The following CACNG6 variants were observed in gnomAD, a reference collection of about 807,000 sequenced individuals.
The protein encoded by CACNG6 is voltage-dependent calcium channel gamma-6 subunit.
Under a neutral mutation model 23.9 loss-of-function variants are expected in CACNG6, and 21 were observed. That is an observed-to-expected ratio of 0.88 (90% confidence interval 0.62 to 1.26). CACNG6 has a LOEUF of 1.26. Among genes scored for constraint, CACNG6 ranks in the 50% most tolerant of loss-of-function variants. CACNG6 has a pLI of 0.00. For missense variants in CACNG6, 340 were observed against 352.9 expected, an observed-to-expected ratio of 0.96 and a Z score of 0.29; for synonymous variants, 182 against 168.9, an observed-to-expected ratio of 1.08 and a Z score of -0.60.
chr19:54,005,703 A>C (rs1187251638), intron 3 of CACNG6, among the ~76,000 whole-genome samples: 1 of 151,450 alleles, frequency 6.6e-6, no homozygotes, highest in African/African-American at 2.4e-5. Flanking sequence ...CAGTGAGCCA[A>C]GATCGCGCCA....
At chr19:54,004,173 T>A (rs1208035144) in intron 3 of CACNG6, among the ~76,000 whole-genome samples, 1 of 152,018 alleles carries the variant, frequency 6.6e-6, no homozygotes, top group Non-Finnish European at 1.5e-5. Flanking sequence ...TACTTTTTTT[T>A]TTTTGAGACG....
intron 1 of CACNG6, among the ~76,000 whole-genome samples, chr19:53,993,852 G>A (rs112974556): frequency 0.014 from 2,054 of 150,926 alleles, 18 homozygotes; most frequent in Non-Finnish European, 0.021. Context: ...CCCCCACACA[G>A]CCAATGTTCC....
chr19:53,991,282 G>C (rs7250797), upstream of CACNG6, among the ~76,000 whole-genome samples: 118,502 of 151,214 alleles, frequency 0.78, 47,148 homozygotes, highest in African/African-American at 0.93. Flanking sequence ...CTGGCCTCAG[G>C]CCCTCCTCCC....
At chr19:54,011,555 C>G (rs1194700329) in intron 3 of CACNG6, among the ~76,000 whole-genome samples, 1 of 151,918 alleles carries the variant, frequency 6.6e-6, no homozygotes, top group African/African-American at 2.4e-5. Context: ...CTATATCCGC[C>G]TTTTAATCAT....
intron 3 of CACNG6, among the ~76,000 whole-genome samples, chr19:54,003,980 C>T (rs533104848): frequency 3.4e-4 from 52 of 152,210 alleles, no homozygotes; most frequent in Non-Finnish European, 4.6e-4. Flanking sequence ...ACCTCATCCT[C>T]GAGTAGCTGG....
At chr19:53,996,399 C>CT (rs36057809) in intron 1 of CACNG6, among the ~76,000 whole-genome samples, 42,985 of 146,516 alleles carry the variant, frequency 0.29, 7,180 homozygotes, top group Middle Eastern at 0.44. Flanking sequence ...CTCTCTCTCT[C>CT]TTTTTTTTTT....
chr19:53,999,501 G>A (rs950153298), intron 2 of CACNG6, 133 bp from the exon 3 acceptor site: 4 of 993,638 alleles, frequency 4.0e-6, no homozygotes, highest in Non-Finnish European at 6.0e-6. Context: ...ATGTTGGGCT[G>A]GATGATACTC....
At chr19:54,007,467 A>G (rs2145966316) in intron 3 of CACNG6, among the ~76,000 whole-genome samples, 1 of 152,336 alleles carries the variant, frequency 6.6e-6, no homozygotes, top group African/African-American at 2.4e-5. Context: ...CAGTGCATTT[A>G]ACTGATAATT....
Position 54,010,747 on chromosome 19 carries a change from T to A in CACNG6, c.545-1204T>A, listed in dbSNP as rs78760635. Among the ~76,000 whole-genome samples, 867 of 151,876 alleles carry A rather than the reference T, an allele frequency of 5.7e-3. 10 individuals carry two copies. The highest frequency in any genetic ancestry group is 0.025 in the East Asian group (128 of 5,086). ...GCACCACCACACCTGGCTAATTTTT[T>A]AAAATTTTTTTTTTGTAGAGATGGA... is the stretch of plus-strand genomic sequence containing the variant. On this transcript the variant is annotated intron_variant, in intron 3 of 3. Coordinates refer to ENST00000252729, the MANE Select transcript of CACNG6 (RefSeq NM_145814.2).
At chr19:53,997,871 G>T (rs2069535888) in intron 1 of CACNG6, among the ~76,000 whole-genome samples, 1 of 151,990 alleles carries the variant, frequency 6.6e-6, no homozygotes, top group Non-Finnish European at 1.5e-5. Context: ...TTGTATCTTG[G>T]TATCCTTTGT....
intron 3 of CACNG6, among the ~76,000 whole-genome samples, chr19:54,003,896 C>T (rs1211068828): frequency 3.3e-5 from 5 of 152,086 alleles, no homozygotes; most frequent in African/African-American, 4.8e-5. Context: ...CTGGCTCTGT[C>T]GCCCAGGCTG....
chr19:53,995,531 A>G (rs1264937616), intron 1 of CACNG6, among the ~76,000 whole-genome samples: 1 of 152,136 alleles, frequency 6.6e-6, no homozygotes, highest in African/African-American at 2.4e-5. Context: ...TTAGTAGCCA[A>G]AAGAGGATGC....
Position 53,993,130 on chromosome 19 carries a change from AAGGCGTGCACCAAGCGGCTGTGGC to A in CACNG6, c.259_282del (p.Cys87_Ala94del). ...CGAAGCGGCCCACCTGGGGCTGTGG[AAGGCGTGCACCAAGCGGCTGTGGC>A]AGGCGGACGTGCCCGTGGACAGGGA... On this transcript the variant is annotated inframe_deletion, in exon 1 of 4. Coordinates refer to ENST00000252729, the MANE Select transcript of CACNG6 (RefSeq NM_145814.2). 1.9e-6 allele frequency: 3 copies of A among 1,548,036 alleles called. No individual in the cohort carries two copies. Among genetic ancestry groups the A allele is most frequent in the Non-Finnish European group, 1.7e-6 (2 of 1,145,982 alleles).
At position 54,006,915 on chromosome 19, in the gene CACNG6, CT is replaced by C. The variant is rs373898484; in HGVS notation, c.545-5034del. 6.2e-4 allele frequency among the ~76,000 whole-genome samples: 93 copies of C among 150,606 alleles called. 2 individuals are homozygous for C. In the East Asian group the frequency reaches 0.014, roughly 23 times the overall value. ...GTCTCACTCTGTTGCCCAGGCTGAT[CT>C]TGAATTCCTGGCCTCAAGAGATCCT... On this transcript the variant is annotated intron_variant, in intron 3 of 3. Transcript: ENST00000252729.
chr19:53,991,243 GCTT>G (rs1374091520), upstream of CACNG6, among the ~76,000 whole-genome samples: 4 of 149,960 alleles, frequency 2.7e-5, no homozygotes, highest in African/African-American at 7.4e-5. Flanking sequence ...GGGTACCGAG[GCTT>G]CTTCTCCCTT....
chr19:54,010,396 C>A (rs571132340), intron 3 of CACNG6, among the ~76,000 whole-genome samples: 2 of 152,144 alleles, frequency 1.3e-5, no homozygotes, highest in Admixed American at 1.3e-4. Context: ...GTGATCCAAT[C>A]GCTTCAGTCT....
At chr19:53,996,863 A>ATTTTTTTT (rs35192974) in intron 1 of CACNG6, among the ~76,000 whole-genome samples, 20 of 98,566 alleles carry the variant, frequency 2.0e-4, no homozygotes, top group African/African-American at 3.1e-4. Flanking sequence ...GATCTTTGGG[A>ATTTTTTTT]TTTTTTTTTT....
chr19:53,997,606 CTAAT>C (rs1292042899), intron 1 of CACNG6, among the ~76,000 whole-genome samples: 1 of 152,116 alleles, frequency 6.6e-6, no homozygotes, highest in Non-Finnish European at 1.5e-5. Context: ...GTTGGCCAAT[CTAAT>C]TGATGGGAAG....
At position 53,992,854 on chromosome 19, in the gene CACNG6, C is replaced by G. The variant is rs1461629420; in HGVS notation, c.-24C>G. ...CCTTCGCCGGCTCTGCCTCCTCCCCCTTCCCGACCCCACCGGCCATAAGAT... is the reference window on the plus strand; with the variant it reads ...CCTTCGCCGGCTCTGCCTCCTCCCCGTTCCCGACCCCACCGGCCATAAGAT... On this transcript the variant is annotated 5_prime_UTR_variant, in exon 1 of 4. Coordinates refer to ENST00000252729, the MANE Select transcript of CACNG6 (RefSeq NM_145814.2). This position sits in a 1 kb window ranked among gnomAD's most constrained non-coding sequence, Gnocchi z 4.1. 7.3e-7 allele frequency: 1 copy of G among 1,368,392 alleles called. No individual in the cohort carries two copies. The highest frequency in any genetic ancestry group is 9.5e-7 in the Non-Finnish European group (1 of 1,056,788). 84.8% of individuals were successfully genotyped at this position (1,368,392 alleles called of 1,614,324 possible).
Sources: gnomAD v4.1 joint callset for allele counts (sites outside exome capture counted in the v4.1 genomes callset) on GRCh38, gnomAD v4.1.1 for gene constraint, Gnocchi (gnomAD v3.1) non-coding constraint, MANE v1.5 for transcripts, NCBI Gene and HGNC (gene_info 2026-07-23, HGNC 2026-07-21) for gene names.